The following GPM6A variants were observed in gnomAD, a reference collection of about 807,000 sequenced individuals.
The protein encoded by GPM6A is glycoprotein M6A.
A neutral mutation model predicts 32.1 loss-of-function variants in GPM6A; 7 were observed. The ratio of observed to expected loss-of-function variants is 0.22; its 90% CI spans 0.12 to 0.41. The LOEUF (loss-of-function observed/expected upper bound fraction) is 0.41, where lower values mean the gene tolerates loss of function less well. Ranked by LOEUF, GPM6A falls within the 10% of genes least tolerant of loss-of-function variation. The pLI is 1.00. For synonymous variants in GPM6A, 130 were observed against 123.4 expected (o/e 1.05, Z -0.35); for missense variants, 235 against 347.2 (o/e 0.68, Z 2.57).
At chr4:175,636,157 G>A (rs1362704187) in intron 6 of GPM6A, among the ~76,000 whole-genome samples, 4 of 150,600 alleles carry the variant, frequency 2.7e-5, no homozygotes, top group Admixed American at 2.0e-4. Context: ...TTCCTCTGAA[G>A]TTTAGCATTT....
At chr4:175,844,420 G>T (rs1485732476) in intron 1 of GPM6A, among the ~76,000 whole-genome samples, 2 of 152,020 alleles carry the variant, frequency 1.3e-5, no homozygotes, top group African/African-American at 4.8e-5. Context: ...TTATTCCAAC[G>T]GTGACATGGT....
chr4:175,986,259 G>C (rs1172517773), intron 1 of GPM6A, among the ~76,000 whole-genome samples: 1 of 152,150 alleles, frequency 6.6e-6, no homozygotes, highest in Admixed American at 6.5e-5. Context: ...TTTAGGCCAG[G>C]TGTGATGCCT....
chr4:175,900,712 G>C (rs1457688383), intron 1 of GPM6A, among the ~76,000 whole-genome samples: 1 of 152,180 alleles, frequency 6.6e-6, no homozygotes, highest in East Asian at 1.9e-4. Flanking sequence ...AAACCATTAA[G>C]AGCTTCCTCA....
At chr4:175,834,987 C>A (rs541659283) in intron 1 of GPM6A, among the ~76,000 whole-genome samples, 5 of 152,298 alleles carry the variant, frequency 3.3e-5, no homozygotes, top group Admixed American at 3.3e-4. Flanking sequence ...TCTTCCCTTT[C>A]TTTATCTTTT....
At chr4:175,797,902 C>A (rs944139810) in intron 1 of GPM6A, among the ~76,000 whole-genome samples, 1 of 152,060 alleles carries the variant, frequency 6.6e-6, no homozygotes, top group Admixed American at 6.5e-5. Flanking sequence ...GGGAAAGCTA[C>A]CAGGGTTTTT....
At chr4:175,796,221 T>A (rs916178400) in intron 1 of GPM6A, among the ~76,000 whole-genome samples, 8 of 152,182 alleles carry the variant, frequency 5.3e-5, no homozygotes, top group African/African-American at 1.9e-4. Flanking sequence ...ATTATCTACT[T>A]ATCTTTTATC....
intron 1 of GPM6A, chr4:175,786,990 C>T (rs562477819): frequency 5.2e-4 from 117 of 223,370 alleles, no homozygotes; most frequent in South Asian, 1.8e-3. Flanking sequence ...ACTTGCTGGA[C>T]GGCATTCCCT....
intron 1 of GPM6A, among the ~76,000 whole-genome samples, chr4:175,962,890 C>A (rs187937457): frequency 1.3e-5 from 2 of 151,940 alleles, no homozygotes; most frequent in African/African-American, 4.8e-5. Context: ...GAATTTAAAA[C>A]AACTATGATT....
intron 1 of GPM6A, among the ~76,000 whole-genome samples, chr4:175,774,367 T>C (rs1733311403): frequency 6.6e-6 from 1 of 152,126 alleles, no homozygotes; most frequent in Non-Finnish European, 1.5e-5. Context: ...ATAAGCATAT[T>C]AATCTTATTT....
intron 1 of GPM6A, among the ~76,000 whole-genome samples, chr4:175,729,762 AT>A (rs1224045869): frequency 7.0e-6 from 1 of 143,216 alleles, no homozygotes; most frequent in Non-Finnish European, 1.5e-5. Flanking sequence ...TATAGTATAT[AT>A]TATCTATTAT....
chr4:175,976,018 T>G (rs1740645775), intron 1 of GPM6A, among the ~76,000 whole-genome samples: 1 of 152,306 alleles, frequency 6.6e-6, no homozygotes, highest in African/African-American at 2.4e-5. Context: ...TGTTTGAAAA[T>G]TCAGTGATTT....
chr4:175,926,338 C>T (rs780529550), intron 1 of GPM6A, among the ~76,000 whole-genome samples: 2 of 152,040 alleles, frequency 1.3e-5, no homozygotes, highest in Non-Finnish European at 2.9e-5. Flanking sequence ...CAGAAAAACA[C>T]GCATAAGATC....
chr4:175,697,697 T>G (rs1310227168), intron 2 of GPM6A, among the ~76,000 whole-genome samples: 1 of 152,174 alleles, frequency 6.6e-6, no homozygotes, highest in Non-Finnish European at 1.5e-5. Context: ...ATGAGTTATA[T>G]AAATGAGTAA....
At chr4:175,689,230 CTA>C (rs1744158005) in intron 2 of GPM6A, among the ~76,000 whole-genome samples, 1 of 152,152 alleles carries the variant, frequency 6.6e-6, no homozygotes, top group African/African-American at 2.4e-5. Flanking sequence ...AGGATTTACT[CTA>C]TTTCTGCAAA....
rs371742039 is a variant in GPM6A at position 175,765,903 on chromosome 4, AC to A, written c.37+46287del. Among the ~76,000 whole-genome samples, 6 of 152,294 alleles carry A rather than the reference AC, an allele frequency of 3.9e-5. No individual in the cohort carries two copies. The East Asian group carries it at 1.2e-3, about 29-fold the overall frequency. ...TGTGTGTGTCCTCCACACACACCTA[AC>A]CATTCTCCGTTTAACAACGTCCTGC... On this transcript the variant is annotated intron_variant, in intron 1 of 6. Transcript: ENST00000393658.
At chr4:175,837,395 G>A (rs28676930) in intron 1 of GPM6A, among the ~76,000 whole-genome samples, 48,336 of 152,050 alleles carry the variant, frequency 0.32, 7,759 homozygotes, top group East Asian at 0.35. Flanking sequence ...AGCAGCAATA[G>A]GAAACTAATA....
At chr4:175,976,413 G>A (rs1465425874) in intron 1 of GPM6A, among the ~76,000 whole-genome samples, 6 of 150,354 alleles carry the variant, frequency 4.0e-5, no homozygotes, top group South Asian at 2.1e-4. Context: ...TGATCCTCCC[G>A]CCTCGGCCTC....
At chr4:175,814,435 T>G (rs189175614), upstream of GPM6A, among the ~76,000 whole-genome samples, 237 of 152,356 alleles carry the variant, frequency 1.6e-3, 1 homozygote, top group African/African-American at 5.2e-3. Context: ...CTCTGTTCCT[T>G]TATGAGTATC....
At chr4:175,870,161 A>G (rs1342573615) in intron 1 of GPM6A, among the ~76,000 whole-genome samples, 1 of 152,218 alleles carries the variant, frequency 6.6e-6, no homozygotes, top group East Asian at 1.9e-4. Flanking sequence ...GTGTTTTGTC[A>G]TTGACCTTAA....
Sources: allele counts gnomAD v4.1 joint callset (sites outside exome capture counted in the v4.1 genomes callset), GRCh38; gene constraint gnomAD v4.1.1; transcripts MANE v1.5; gene names NCBI Gene and HGNC (gene_info 2026-07-23, HGNC 2026-07-21).